ISCA2: variants seen among roughly 807,000 people sequenced by gnomAD.
ISCA2 encodes the protein iron-sulfur cluster assembly 2 homolog, mitochondrial.
ISCA2 carries 21 observed loss-of-function variants against 19.1 expected under a neutral mutation model. The ratio of observed to expected loss-of-function variants is 1.10; its 90% CI spans 0.78 to 1.59. ISCA2 has a LOEUF of 1.59. Ranked by LOEUF, ISCA2 falls within the 40% of genes most tolerant of loss-of-function variation. ISCA2 has a pLI of 0.00. For missense variants in ISCA2, 181 were observed against 191.7 expected (o/e 0.94, Z 0.33); for synonymous variants, 107 against 83.8 (o/e 1.28, Z -1.51).
intron 3 of ISCA2, 34 bp from the exon 4 acceptor site, chr14:74,494,792 G>A (rs748378997): frequency 3.6e-5 from 57 of 1,596,656 alleles, no homozygotes; most frequent in Non-Finnish European, 4.8e-5. Flanking sequence ...TTGTGTTTGC[G>A]ATACTCCTTA....
Position 74,494,042 on chromosome 14 carries a change from G to A in ISCA2, c.72-8G>A. The A allele has an allele frequency of 6.5e-7, 1 of 1,535,518 alleles. No individual in the cohort carries two copies. Among genetic ancestry groups the A allele is most frequent in the East Asian group, 2.5e-5 (1 of 40,802 alleles). On this transcript the variant is annotated splice_polypyrimidine_tract_variant and splice_region_variant and intron_variant, in intron 1 of 3. Coordinates refer to ENST00000556816, the MANE Select transcript of ISCA2 (RefSeq NM_194279.4). ...GCTCCCGGGCTCACCCTCCTCCCTT[G>A]CGCGCAGGCTCCTCACGGCCTCCCT...
At chr14:74,494,421 G>A (rs764075500) in intron 3 of ISCA2, 31 bp downstream of exon 3, 7 of 1,476,434 alleles carry the variant, frequency 4.7e-6, no homozygotes, top group Middle Eastern at 3.5e-4. Context: ...CCCCAAAGGA[G>A]GTACAGGAGG....
rs2086830452 is a variant in ISCA2 at position 74,494,907 on chromosome 14, C to T, written c.372C>T (p.Ser124=). 6.2e-7 allele frequency: 1 copy of T among 1,613,910 alleles called. No homozygotes were observed. The highest frequency in any genetic ancestry group is 1.7e-5 in the Admixed American group (1 of 59,994). Residue 124 remains serine, a synonymous_variant, in exon 4 of 4, where the codon AGC becomes AGT. Transcript: ENST00000556816. ...AFVKGAQVDF[S]QELIRSSFQV... is the part of the protein sequence containing the mutation. ...TGAAAGGGGCCCAGGTGGACTTCAG[C>T]CAAGAACTGATCCGAAGCTCATTTC...
Position 74,495,081 on chromosome 14 carries a change from C to T in ISCA2, c.*81C>T, listed in dbSNP as rs550786426. 22 of 1,033,376 alleles carry T rather than the reference C, an allele frequency of 2.1e-5. No individual in the cohort carries two copies. In the African/African-American group the frequency reaches 3.2e-4, roughly 15 times the overall value. 64.0% of individuals were successfully genotyped at this position (1,033,376 alleles called of 1,614,324 possible). On this transcript the variant is annotated 3_prime_UTR_variant, in exon 4 of 4. Transcript: ENST00000556816. Reference sequence around the variant, plus strand: ...GAATTAGTAGAATTCTAGAAGTTTACTTCTAATCATGTCCCTCTCAATTTT... The same window carrying T: ...GAATTAGTAGAATTCTAGAAGTTTATTTCTAATCATGTCCCTCTCAATTTT...
rs1003671581 is a variant in ISCA2, at chr14:74,496,352, C to G, written c.*1352C>G. 1.3e-5 allele frequency: 2 copies of G among 152,192 alleles called. No individual in the cohort carries two copies. The highest frequency in any genetic ancestry group is 2.4e-5 in the African/African-American group (1 of 41,444). 9.4% of individuals were successfully genotyped at this position (152,192 alleles called of 1,614,324 possible). On this transcript the variant is annotated 3_prime_UTR_variant, in exon 4 of 4. Coordinates refer to ENST00000556816, the MANE Select transcript of ISCA2 (RefSeq NM_194279.4). ...AATAGAGTTTAGAAAATATCTGAGA[C>G]AGAAACTTAGATACATTTCCAACAT... is the stretch of plus-strand genomic sequence containing the variant.
At position 74,494,455 on chromosome 14, in the gene ISCA2, G is replaced by T. The variant is rs1187064954; in HGVS notation, c.290+65G>T. 2.5e-6 allele frequency: 3 copies of T among 1,187,200 alleles called. No individual in the cohort carries two copies. In the South Asian group the frequency reaches 3.7e-5, roughly 14 times the overall value. 73.5% of individuals were successfully genotyped at this position (1,187,200 alleles called of 1,614,324 possible). The stretch of plus-strand genomic sequence containing the variant: ...GGGACAAAAGTGTCTCCAGTTTAAG[G>T]TGCACTTTTATTCCAAATTTAAAGG... On this transcript the variant is annotated intron_variant, in intron 3 of 3. Coordinates refer to ENST00000556816, the MANE Select transcript of ISCA2 (RefSeq NM_194279.4).
rs753575849 is a variant in ISCA2 at position 74,493,920 on chromosome 14, G to C, written c.71+75G>C. On this transcript the variant is annotated intron_variant, in intron 1 of 3. Transcript: ENST00000556816. The surrounding 1 kb of genome is among the most constrained non-coding windows in gnomAD (Gnocchi z 4.1). ...TAGGACAAATGGGAAACTAAGGCCT[G>C]TGGGGGATGCGAGGGTTTGGTGGGA... is the stretch of plus-strand genomic sequence containing the variant. 8 of 1,491,884 alleles carry C rather than the reference G, an allele frequency of 5.4e-6. No homozygotes were observed. Among genetic ancestry groups the C allele is most frequent in the Non-Finnish European group, 7.3e-6 (8 of 1,095,368 alleles). 92.4% of individuals were successfully genotyped at this position (1,491,884 alleles called of 1,614,324 possible).
intron 3 of ISCA2, 153 bp from the exon 4 acceptor site, chr14:74,494,673 A>AATC (rs1467822870): frequency 1.5e-6 from 1 of 662,988 alleles, no homozygotes; most frequent in East Asian, 2.7e-5. Context: ...TATTCCATTG[A>AATC]ATCATTTTGC....
chr14:74,493,863 G>T lies in ISCA2; in HGVS notation c.71+18G>T. 2 of 1,555,336 alleles carry T rather than the reference G, an allele frequency of 1.3e-6. No homozygotes were observed. Among genetic ancestry groups the T allele is most frequent in the Non-Finnish European group, 1.7e-6 (2 of 1,148,204 alleles). ...AGGGGCAGGTACCAAGACTAGAAAG[G>T]CACCTGGAAAGGGTGTTTGGTTCTG... On this transcript the variant is annotated intron_variant, in intron 1 of 3. Transcript: ENST00000556816. The surrounding 1 kb of genome is among the most constrained non-coding windows in gnomAD (Gnocchi z 4.1).
chr14:74,493,977 G>T lies in ISCA2; in HGVS notation c.72-73G>T. ...CCAGGTGGGGGTCGCCAGGTTTAGC[G>T]TGAGGCGCTCCAGGTCGAGGGTTGC... On this transcript the variant is annotated intron_variant, in intron 1 of 3. Transcript: ENST00000556816. This position sits in a 1 kb window ranked among gnomAD's most constrained non-coding sequence, Gnocchi z 4.1. The T allele has an allele frequency of 1.3e-6, 2 of 1,483,992 alleles. No individual in the cohort carries two copies. Among genetic ancestry groups the T allele is most frequent in the South Asian group, 1.2e-5 (1 of 82,834 alleles). 91.9% of individuals were successfully genotyped at this position (1,483,992 alleles called of 1,614,324 possible). A position where few individuals can be genotyped will look rare whatever the true frequency, so the allele number is the denominator to read the frequency against.
chr14:74,494,596 G>C (rs1193752037), intron 3 of ISCA2: 4 of 618,524 alleles, frequency 6.5e-6, no homozygotes, highest in Non-Finnish European at 1.1e-5. Flanking sequence ...CAGGTCCATT[G>C]GGTAGTCGGT....
Position 74,496,407 on chromosome 14 carries a change from C to T in ISCA2, c.*1407C>T, listed in dbSNP as rs1728936755. 1 of 152,162 alleles carries T rather than the reference C, an allele frequency of 6.6e-6. No individual in the cohort carries two copies. The highest frequency in any genetic ancestry group is 2.1e-4 in the South Asian group (1 of 4,826). 9.4% of individuals were successfully genotyped at this position (152,162 alleles called of 1,614,324 possible). A position where few individuals can be genotyped will look rare whatever the true frequency, so the allele number is the denominator to read the frequency against. On this transcript the variant is annotated 3_prime_UTR_variant, in exon 4 of 4. Coordinates refer to ENST00000556816, the MANE Select transcript of ISCA2 (RefSeq NM_194279.4). ...AAACCTAGGACTTAGAGAAAACAAACCTATCATGCGGTTAGAGGAGAGAAG... is the reference window on the plus strand; with the variant it reads ...AAACCTAGGACTTAGAGAAAACAAATCTATCATGCGGTTAGAGGAGAGAAG...
intron 2 of ISCA2, 30 bp downstream of exon 2, chr14:74,494,182 C>T (rs767245375): frequency 1.9e-6 from 3 of 1,587,254 alleles, no homozygotes; most frequent in South Asian, 2.3e-5. Flanking sequence ...GCGGCGGTAC[C>T]CAGGCGATTG....
rs1032889672 is a variant in ISCA2, at chr14:74,494,307, C to T, written c.207C>T (p.Phe69=). Residue 69 remains phenylalanine (F), a synonymous_variant, in exon 3 of 4, where the codon TTC becomes TTT. Coordinates refer to ENST00000556816, the MANE Select transcript of ISCA2 (RefSeq NM_194279.4). ...TGGAAATCACCGAAGGGTCAGAATT[C>T]CTCAGGCTGCAAGTGGAGGGAGGTG... ...RLLEITEGSE[F]LRLQVEGGGC... 15 of 1,614,178 alleles carry T rather than the reference C, an allele frequency of 9.3e-6. No homozygotes were observed. The highest frequency in any genetic ancestry group is 6.7e-5 in the Admixed American group (4 of 60,034).
intron 1 of ISCA2, 24 bp from the exon 2 acceptor site, chr14:74,494,026 C>A: frequency 6.6e-7 from 1 of 1,525,314 alleles, no homozygotes; most frequent in Non-Finnish European, 8.8e-7. Flanking sequence ...TGCTCCCGGG[C>A]TCACCCTCCT....
Position 74,493,833 on chromosome 14 carries a change from G to A in ISCA2, c.59G>A (p.Trp20Ter). The A allele has an allele frequency of 6.4e-7, 1 of 1,559,194 alleles. No individual in the cohort carries two copies. The highest frequency in any genetic ancestry group is 8.7e-7 in the Non-Finnish European group (1 of 1,152,520). ...GCGACGCAGAGAGCGGTCACTCCCT[G>A]GCCGAGGGGCAGGTACCAAGACTAG... ...TAATQRAVTP[W>*]PRGRLLTASL... Residue 20 changes from tryptophan to a stop codon, truncating the protein, a stop_gained, in exon 1 of 4, where the codon TGG (tryptophan) becomes TAG (stop). Coordinates refer to ENST00000556816, the MANE Select transcript of ISCA2 (RefSeq NM_194279.4). LOFTEE classifies it high-confidence loss of function. This position sits in a 1 kb window ranked among gnomAD's most constrained non-coding sequence, Gnocchi z 4.1.
chr14:74,494,092 G>A lies in ISCA2; in HGVS notation c.114G>A (p.Ala38=). 1 of 1,566,310 alleles carries A rather than the reference G, an allele frequency of 6.4e-7. No individual in the cohort carries two copies. The highest frequency in any genetic ancestry group is 8.6e-7 in the Non-Finnish European group (1 of 1,159,492). Residue 38 remains alanine (A), a synonymous_variant, in exon 2 of 4, where the codon GCG becomes GCA. Coordinates refer to ENST00000556816, the MANE Select transcript of ISCA2 (RefSeq NM_194279.4). ...TGGGACCCCAGGCGCGTCGGGAGGC[G>A]TCGTCCTCCAGCCCCGAGGCCGGCG... The part of the protein sequence containing the change: ...ASLGPQARRE[A]SSSSPEAGEG...
intron 3 of ISCA2, 67 bp from the exon 4 acceptor site, chr14:74,494,757 CCT>C: frequency 7.2e-7 from 1 of 1,392,012 alleles, no homozygotes; most frequent in Non-Finnish European, 1.0e-6. Context: ...AGGATGTGCA[CCT>C]CTGGGCTCAG....
At position 74,495,294 on chromosome 14, in the gene ISCA2, AT is replaced by A. The variant is rs1376492685; in HGVS notation, c.*296del. On this transcript the variant is annotated 3_prime_UTR_variant, in exon 4 of 4. Coordinates refer to ENST00000556816, the MANE Select transcript of ISCA2 (RefSeq NM_194279.4). The stretch of plus-strand genomic sequence containing the variant: ...AGCCTCCATGGCTCTAAAATTTGGA[AT>A]TAACTTCTCTTGCCTTAAGAGCTGC... 3.5e-6 allele frequency: 1 copy of A among 282,920 alleles called. No individual in the cohort carries two copies. The highest frequency in any genetic ancestry group is 2.2e-5 in the African/African-American group (1 of 45,646). The allele number at this position is 282,920 out of a possible 1,614,324, so 17.5% of individuals were successfully genotyped here.
Sources: allele counts gnomAD v4.1 joint callset, GRCh38; gene constraint gnomAD v4.1.1; non-coding constraint Gnocchi (gnomAD v3.1); transcripts MANE v1.5; gene names NCBI Gene and HGNC (gene_info 2026-07-23, HGNC 2026-07-21).